ATP8A2: variants seen among roughly 807,000 people sequenced by gnomAD.
ATP8A2 encodes phospholipid-transporting ATPase IB.
Under a neutral mutation model 165.6 loss-of-function variants are expected in ATP8A2, and 100 were observed. That is an observed-to-expected ratio of 0.60 (90% CI 0.51 to 0.71). The LOEUF (loss-of-function observed/expected upper bound fraction) is 0.71, where lower values mean the gene tolerates loss of function less well. Among genes scored for constraint, ATP8A2 ranks in the 30% least tolerant of loss-of-function variants. ATP8A2 has a pLI of 0.00. For missense variants in ATP8A2, 1,227 were observed against 1,479.5 expected (o/e 0.83, Z 2.80); for synonymous variants, 543 against 548.8 (o/e 0.99, Z 0.15).
intron 24 of ATP8A2, among the ~76,000 whole-genome samples, chr13:25,620,583 A>T (rs192662716): frequency 6.8e-4 from 104 of 152,324 alleles, no homozygotes; most frequent in African/African-American, 2.4e-3. Context: ...TATATGGAAC[A>T]TCATCTTGAG....
chr13:25,978,348 C>G (rs1048069920), intron 35 of ATP8A2, among the ~76,000 whole-genome samples: 1 of 152,122 alleles, frequency 6.6e-6, no homozygotes, highest in African/African-American at 2.4e-5. Context: ...CTTTTCCCTT[C>G]GGCTTCCCGT....
chr13:25,616,287 C>T (rs1170804553), intron 24 of ATP8A2, among the ~76,000 whole-genome samples: 1 of 151,360 alleles, frequency 6.6e-6, no homozygotes, highest in South Asian at 2.1e-4. Context: ...TTATTTCTAT[C>T]CTTTAGTGAC....
At chr13:25,860,744 G>A (rs1327064612) in intron 31 of ATP8A2, 60 bp from the exon 32 acceptor site, 2 of 1,351,546 alleles carry the variant, frequency 1.5e-6, no homozygotes, top group Admixed American at 3.9e-5. Flanking sequence ...GATTTCTCAT[G>A]GAAAGTGAAA....
intron 33 of ATP8A2, among the ~76,000 whole-genome samples, chr13:25,879,330 C>T (rs769177096): frequency 2.0e-5 from 3 of 152,154 alleles, no homozygotes; most frequent in Non-Finnish European, 4.4e-5. Flanking sequence ...CTTAGAAGTT[C>T]AGGGCTGTAA....
intron 25 of ATP8A2, among the ~76,000 whole-genome samples, chr13:25,716,806 G>C (rs2043264900): frequency 6.6e-6 from 1 of 152,112 alleles, no homozygotes; most frequent in Non-Finnish European, 1.5e-5. Context: ...CTGGCACTGA[G>C]GATGAGGGAT....
rs1957116549 is a variant in ATP8A2, at chr13:26,023,580, AT to A, written c.*3596del. On this transcript the variant is annotated 3_prime_UTR_variant, in exon 37 of 37. Transcript: ENST00000381655. ...GGTTGAATTTTTTAAAAAGAAAGTT[AT>A]AGTCTGTAATTTCCATTTGTTATAA... 1 of 152,218 alleles carries A rather than the reference AT, an allele frequency of 6.6e-6. No individual in the cohort carries two copies. Among genetic ancestry groups the A allele is most frequent in the African/African-American group, 2.4e-5 (1 of 41,452 alleles). The allele number at this position is 152,218 out of a possible 1,614,324, so 9.4% of individuals were successfully genotyped here.
intron 25 of ATP8A2, among the ~76,000 whole-genome samples, chr13:25,749,550 G>C (rs1255862804): frequency 6.6e-6 from 1 of 152,052 alleles, no homozygotes; most frequent in Non-Finnish European, 1.5e-5. Flanking sequence ...TTGTCACATC[G>C]ATGTCAGAGC....
intron 25 of ATP8A2, among the ~76,000 whole-genome samples, chr13:25,747,076 A>T (rs7328794): frequency 0.35 from 53,940 of 151,976 alleles, 10,011 homozygotes; most frequent in East Asian, 0.49. Flanking sequence ...AAGGGTTTTT[A>T]AATTATTTTC....
chr13:25,822,636 T>C (rs1451816327), intron 27 of ATP8A2, among the ~76,000 whole-genome samples: 3 of 152,228 alleles, frequency 2.0e-5, no homozygotes, highest in Non-Finnish European at 4.4e-5. Flanking sequence ...TAAGAACTTT[T>C]TATATATTGA....
chr13:25,931,320 T>C (rs1954763588), intron 33 of ATP8A2, among the ~76,000 whole-genome samples: 1 of 152,272 alleles, frequency 6.6e-6, no homozygotes, highest in Non-Finnish European at 1.5e-5. Flanking sequence ...ATCTCCAGGA[T>C]ACCTCATGAT....
intron 24 of ATP8A2, among the ~76,000 whole-genome samples, chr13:25,658,342 A>G (rs2041977936): frequency 6.6e-6 from 1 of 152,156 alleles, no homozygotes; most frequent in African/African-American, 2.4e-5. Flanking sequence ...TTGACTTTTT[A>G]AAGAGTTAGC....
At chr13:25,721,400 C>T (rs2043378580) in intron 25 of ATP8A2, among the ~76,000 whole-genome samples, 1 of 152,168 alleles carries the variant, frequency 6.6e-6, no homozygotes, top group Non-Finnish European at 1.5e-5. Context: ...GGTTGCCTGA[C>T]TCTGAGGTCT....
At chr13:25,915,133 C>T (rs1363667732) in intron 33 of ATP8A2, among the ~76,000 whole-genome samples, 2 of 152,206 alleles carry the variant, frequency 1.3e-5, no homozygotes, top group African/African-American at 4.8e-5. Context: ...GTCCATTTAT[C>T]ATAATGTTGA....
At chr13:25,406,957 C>G (rs1204074816) in intron 1 of ATP8A2, among the ~76,000 whole-genome samples, 1 of 152,202 alleles carries the variant, frequency 6.6e-6, no homozygotes, top group Non-Finnish European at 1.5e-5. Flanking sequence ...TTGGCTCCAG[C>G]CTGTTACCGC....
intron 24 of ATP8A2, among the ~76,000 whole-genome samples, chr13:25,675,833 G>C (rs2042361009): frequency 6.6e-6 from 1 of 152,016 alleles, no homozygotes. Context: ...CTTTGCATGT[G>C]AAAAAATGAC....
chr13:25,830,852 T>C (rs574645413), intron 28 of ATP8A2, among the ~76,000 whole-genome samples: 6 of 152,238 alleles, frequency 3.9e-5, no homozygotes, highest in African/African-American at 1.4e-4. Flanking sequence ...CTTAACACTT[T>C]AGTCAATAGT....
At chr13:25,693,747 T>C (rs2042778223) in intron 24 of ATP8A2, among the ~76,000 whole-genome samples, 1 of 152,142 alleles carries the variant, frequency 6.6e-6, no homozygotes, top group African/African-American at 2.4e-5. Flanking sequence ...TGGAGTGCAG[T>C]GGCACGATCT....
intron 24 of ATP8A2, among the ~76,000 whole-genome samples, chr13:25,657,008 G>T (rs2137665381): frequency 8.4e-6 from 1 of 118,350 alleles, no homozygotes. Context: ...AGCCAAGATT[G>T]CACCACTGCA....
chr13:25,586,251 T>C (rs920893634), intron 23 of ATP8A2, among the ~76,000 whole-genome samples: 6 of 152,080 alleles, frequency 3.9e-5, no homozygotes, highest in African/African-American at 7.2e-5. Flanking sequence ...ATATGAGTTG[T>C]AAAGGACCAG....
Sources: gnomAD v4.1 joint callset for allele counts (sites outside exome capture counted in the v4.1 genomes callset) on GRCh38, gnomAD v4.1.1 for gene constraint, MANE v1.5 for transcripts, NCBI Gene and HGNC (gene_info 2026-07-23, HGNC 2026-07-21) for gene names.